RBFOX1: variants seen among roughly 807,000 people sequenced by gnomAD.
RBFOX1 encodes RNA binding protein fox-1 homolog 1.
A neutral mutation model predicts 57.7 loss-of-function variants in RBFOX1; 8 were observed. The observed-to-expected ratio is 0.14, with a 90% CI of 0.08 to 0.25. RBFOX1 has a LOEUF of 0.25. RBFOX1 is among the 10% of genes least tolerant of loss of function. The pLI, the probability that RBFOX1 is intolerant of heterozygous loss-of-function variation, is 1.00. For synonymous variants in RBFOX1, 326 were observed against 222.4 expected (o/e 1.47, Z -4.15); for missense variants, 611 against 548.5 (o/e 1.11, Z -1.14).
At chr16:6,043,120 G>GAAAAAAAAAAAAAAAAAAAAA (rs570358262) in intron 1 of RBFOX1, among the ~76,000 whole-genome samples, 3 of 70,254 alleles carry the variant, frequency 4.3e-5, no homozygotes, top group African/African-American at 1.1e-4. Flanking sequence ...TGTGTTTCCA[G>GAAAAAAAAAAAAAAAAAAAAA]AAAAAAAAAA....
intron 1 of RBFOX1, among the ~76,000 whole-genome samples, chr16:5,425,034 T>TCC (rs1432744719): frequency 6.8e-6 from 1 of 146,580 alleles, no homozygotes. Flanking sequence ...CCTCCCTCCC[T>TCC]CCCTCTCTCT....
At chr16:6,754,013 C>A (rs902089537) in intron 3 of RBFOX1, among the ~76,000 whole-genome samples, 2 of 152,048 alleles carry the variant, frequency 1.3e-5, no homozygotes, top group African/African-American at 4.8e-5. Flanking sequence ...CTTCTGGTAC[C>A]CAACTCTTGC....
chr16:6,849,012 T>A (rs1437980466), intron 3 of RBFOX1, among the ~76,000 whole-genome samples: 1 of 152,208 alleles, frequency 6.6e-6, no homozygotes, highest in East Asian at 1.9e-4. Context: ...GTTTAGGTAG[T>A]CCCACCATTG....
chr16:5,824,315 CT>C (rs1406138938), intron 3 of RBFOX1, among the ~76,000 whole-genome samples: 1 of 152,174 alleles, frequency 6.6e-6, no homozygotes, highest in Non-Finnish European at 1.5e-5. Flanking sequence ...CTGCCTCCCT[CT>C]TTTTTGGTCA....
chr16:5,853,851 C>A (rs1452923447), intron 3 of RBFOX1, among the ~76,000 whole-genome samples: 1 of 152,158 alleles, frequency 6.6e-6, no homozygotes, highest in Non-Finnish European at 1.5e-5. Context: ...GAACTCCTGG[C>A]CTCAAGCAAT....
chr16:5,867,244 T>C, intron 3 of RBFOX1: 1 of 1,120,464 alleles, frequency 8.9e-7, no homozygotes, highest in South Asian at 4.5e-5. Flanking sequence ...AAAAAGACAA[T>C]TAATCCAATT....
chr16:5,897,606 T>C (rs2058199216), intron 4 of RBFOX1, among the ~76,000 whole-genome samples: 1 of 152,162 alleles, frequency 6.6e-6, no homozygotes, highest in Non-Finnish European at 1.5e-5. Context: ...AGGATGTGGT[T>C]CAGCACCTGG....
chr16:7,692,434 C>CCAAT (rs980622213), intron 14 of RBFOX1, among the ~76,000 whole-genome samples: 23 of 151,996 alleles, frequency 1.5e-4, no homozygotes, highest in African/African-American at 5.6e-4. Flanking sequence ...TTGAACAAAA[C>CCAAT]CAATCATACT....
intron 2 of RBFOX1, among the ~76,000 whole-genome samples, chr16:6,338,060 G>C (rs953800496): frequency 9.2e-5 from 14 of 152,194 alleles, no homozygotes; most frequent in African/African-American, 3.1e-4. Context: ...AGATGGTTTT[G>C]TCCAGGTAAT....
chr16:6,970,205 A>C (rs1359432405), intron 3 of RBFOX1, among the ~76,000 whole-genome samples: 2 of 152,048 alleles, frequency 1.3e-5, no homozygotes, highest in Admixed American at 6.6e-5. Flanking sequence ...AAGAAACAAA[A>C]AACCCCAAAA....
intron 2 of RBFOX1, among the ~76,000 whole-genome samples, chr16:6,369,930 G>C (rs2090181743): frequency 6.6e-6 from 1 of 152,148 alleles, no homozygotes; most frequent in Non-Finnish European, 1.5e-5. Context: ...TAATGACCTT[G>C]ATGGCAGTTT....
intron 2 of RBFOX1, among the ~76,000 whole-genome samples, chr16:6,359,802 C>G (rs1230233609): frequency 2.0e-5 from 3 of 152,038 alleles, no homozygotes; most frequent in African/African-American, 7.3e-5. Flanking sequence ...CTGGCATCAT[C>G]TAAGTCAAAA....
At chr16:6,951,364 C>T (rs769030657) in intron 3 of RBFOX1, among the ~76,000 whole-genome samples, 5 of 152,098 alleles carry the variant, frequency 3.3e-5, no homozygotes, top group Non-Finnish European at 7.4e-5. Context: ...CTCTTTCTAC[C>T]AAATAAATCA....
intron 2 of RBFOX1, among the ~76,000 whole-genome samples, chr16:6,429,516 G>C (rs2094018653): frequency 6.6e-6 from 1 of 152,176 alleles, no homozygotes; most frequent in African/African-American, 2.4e-5. Flanking sequence ...TTGTCTGTTT[G>C]TTCCTTGTTC....
At chr16:7,403,342 G>A (rs2098276336) in intron 4 of RBFOX1, among the ~76,000 whole-genome samples, 1 of 152,006 alleles carries the variant, frequency 6.6e-6, no homozygotes, top group African/African-American at 2.4e-5. Context: ...CAGTCATCTT[G>A]GATAACTGAA....
At chr16:6,107,372 C>A (rs917301873) in intron 1 of RBFOX1, among the ~76,000 whole-genome samples, 1 of 152,036 alleles carries the variant, frequency 6.6e-6, no homozygotes, top group East Asian at 1.9e-4. Context: ...TTGAGATAAC[C>A]TCTTTCTTAT....
chr16:6,986,509 T>C (rs983582428), intron 3 of RBFOX1, among the ~76,000 whole-genome samples: 1 of 152,148 alleles, frequency 6.6e-6, no homozygotes, highest in African/African-American at 2.4e-5. Flanking sequence ...CCAGGCTGGT[T>C]TTGAACTCAT....
chr16:6,859,697 C>G (rs1332661302), intron 3 of RBFOX1, among the ~76,000 whole-genome samples: 1 of 152,136 alleles, frequency 6.6e-6, no homozygotes, highest in East Asian at 1.9e-4. Flanking sequence ...TTTTAATCGA[C>G]TACGGTATCA....
intron 1 of RBFOX1, among the ~76,000 whole-genome samples, chr16:6,076,946 A>C (rs1228414426): frequency 1.3e-5 from 2 of 152,192 alleles, no homozygotes; most frequent in African/African-American, 2.4e-5. Flanking sequence ...GCACTTAATA[A>C]GATGAACAGC....
Sources: gnomAD v4.1 joint callset for allele counts (sites outside exome capture counted in the v4.1 genomes callset) on GRCh38, gnomAD v4.1.1 for gene constraint, MANE v1.5 for transcripts, NCBI Gene and HGNC (gene_info 2026-07-23, HGNC 2026-07-21) for gene names.